Variants in INPP4B observed in about 807,000 individuals in gnomAD.
INPP4B encodes the protein inositol polyphosphate 4-phosphatase type II.
A neutral mutation model predicts 122.5 loss-of-function variants in INPP4B; 55 were observed. The observed-to-expected ratio is 0.45, with a 90% confidence interval of 0.36 to 0.56. The LOEUF (loss-of-function observed/expected upper bound fraction) is 0.56. Among genes scored for constraint, INPP4B ranks in the 20% least tolerant of loss-of-function variants. The pLI is 0.00. For synonymous variants in INPP4B, 403 were observed against 388.7 expected, an observed-to-expected ratio of 1.04 and a Z score of -0.43; for missense variants, 1,000 against 1,097.7, an observed-to-expected ratio of 0.91 and a Z score of 1.26.
At chr4:142,795,716 A>G (rs1397334195) in intron 1 of INPP4B, 1 of 151,984 alleles carries the variant, frequency 6.6e-6, no homozygotes, top group Admixed American at 6.6e-5. Flanking sequence ...CATTGTATCT[A>G]TTTTACCAAA....
chr4:142,534,773 T>C (rs539015806), intron 2 of INPP4B, among the ~76,000 whole-genome samples: 3 of 151,724 alleles, frequency 2.0e-5, no homozygotes, highest in Non-Finnish European at 4.4e-5. Flanking sequence ...TTCCTTTCTG[T>C]ACTCTCTGTA....
chr4:142,462,083 T>C (rs1560685282), intron 3 of INPP4B, among the ~76,000 whole-genome samples: 1 of 152,162 alleles, frequency 6.6e-6, no homozygotes, highest in Non-Finnish European at 1.5e-5. Flanking sequence ...TTTTTCTTCA[T>C]TTATTTTCTT....
chr4:142,523,233 C>T (rs1205447732), intron 2 of INPP4B, among the ~76,000 whole-genome samples: 1 of 152,100 alleles, frequency 6.6e-6, no homozygotes, highest in African/African-American at 2.4e-5. Flanking sequence ...AACTCTGACT[C>T]TGACGTGTGG....
rs566466082 is a variant in INPP4B at position 142,799,789 on chromosome 4, A to G, written c.-254+46420T>C. Among the ~76,000 whole-genome samples the G allele has an allele frequency of 3.9e-5, 6 of 152,084 alleles. No homozygotes were observed. The South Asian group carries it at 1.2e-3, about 31-fold the overall frequency. On this transcript the variant is annotated intron_variant, in intron 1 of 25. Transcript: ENST00000262992. ...TGTTTTTACTAAATATTGTAACAAA[A>G]GTATTCCTCCCACATATAAATTTCT... is the stretch of plus-strand genomic sequence containing the variant.
rs368740159 is a variant in INPP4B at position 142,235,823 on chromosome 4, TA to T, written c.836+2040del. Among the ~76,000 whole-genome samples, 46 of 152,360 alleles carry T rather than the reference TA, an allele frequency of 3.0e-4. 1 individual carries two copies. The East Asian group carries it at 5.4e-3, about 18-fold the overall frequency. The stretch of plus-strand genomic sequence containing the variant: ...ATCATAGTTGTATATATTTTGGGGA[TA>T]CATGTGATATTTTGATATTTGTATA... On this transcript the variant is annotated intron_variant, in intron 12 of 25. Coordinates refer to ENST00000262992, the MANE Select transcript of INPP4B (RefSeq NM_001101669.3).
At chr4:142,131,405 T>C (rs1452088499) in intron 18 of INPP4B, among the ~76,000 whole-genome samples, 1 of 151,894 alleles carries the variant, frequency 6.6e-6, no homozygotes, top group Non-Finnish European at 1.5e-5. Flanking sequence ...GTAGGTGAAG[T>C]AAACTAGGTG....
chr4:142,504,355 A>G (rs997690753), intron 2 of INPP4B, among the ~76,000 whole-genome samples: 4 of 152,102 alleles, frequency 2.6e-5, no homozygotes, highest in Non-Finnish European at 4.4e-5. Context: ...CTAACACCAA[A>G]TAATGGCAGG....
intron 17 of INPP4B, among the ~76,000 whole-genome samples, chr4:142,156,319 T>C (rs920659720): frequency 6.6e-6 from 1 of 152,104 alleles, no homozygotes; most frequent in Non-Finnish European, 1.5e-5. Flanking sequence ...TTCCACAGAA[T>C]TTCAGAATTA....
intron 5 of INPP4B, among the ~76,000 whole-genome samples, chr4:142,423,099 TA>T (rs1202243687): frequency 1.3e-5 from 2 of 152,182 alleles, no homozygotes; most frequent in East Asian, 3.9e-4. Context: ...ACTGGAGTTT[TA>T]AAAAAGTCAG....
At chr4:142,169,453 A>G (rs1263877426) in intron 16 of INPP4B, among the ~76,000 whole-genome samples, 2 of 151,732 alleles carry the variant, frequency 1.3e-5, no homozygotes, top group African/African-American at 2.4e-5. Flanking sequence ...TTAAGTAATC[A>G]ACATAACATT....
chr4:142,812,310 A>G (rs566598897), intron 1 of INPP4B, among the ~76,000 whole-genome samples: 4 of 152,232 alleles, frequency 2.6e-5, no homozygotes, highest in African/African-American at 7.2e-5. Flanking sequence ...ACTGCCCCAG[A>G]AGCCACACTC....
At chr4:142,415,235 A>G (rs1031221023) in intron 5 of INPP4B, among the ~76,000 whole-genome samples, 3 of 152,122 alleles carry the variant, frequency 2.0e-5, no homozygotes, top group Non-Finnish European at 4.4e-5. Context: ...CCTACCTCTG[A>G]ACCAAAAGAT....
At position 142,462,690 on chromosome 4, in the gene INPP4B, A is replaced by G. The variant is rs556849258; in HGVS notation, c.-154T>C. The G allele has an allele frequency of 2.6e-5, 4 of 152,184 alleles. No homozygotes were observed. The highest frequency in any genetic ancestry group is 4.4e-5 in the Non-Finnish European group (3 of 68,024). 9.4% of individuals were successfully genotyped at this position (152,184 alleles called of 1,614,324 possible). A position where few individuals can be genotyped will look rare whatever the true frequency, so the allele number is the denominator to read the frequency against. On this transcript the variant is annotated 5_prime_UTR_variant, in exon 3 of 26. Transcript: ENST00000262992. Reference sequence around the variant, plus strand: ...GATTTATGTTGTTTTCTTTGACAGAACTGCTCTTTGATTATTGTTTCGCTG... The same window carrying G: ...GATTTATGTTGTTTTCTTTGACAGAGCTGCTCTTTGATTATTGTTTCGCTG...
At chr4:142,745,420 T>G (rs947913014) in intron 1 of INPP4B, among the ~76,000 whole-genome samples, 2 of 151,876 alleles carry the variant, frequency 1.3e-5, no homozygotes, top group African/African-American at 4.8e-5. Context: ...TCTTGCCTAC[T>G]TGTTTCGTAA....
At chr4:142,720,294 A>G (rs930219660) in intron 2 of INPP4B, among the ~76,000 whole-genome samples, 1 of 152,150 alleles carries the variant, frequency 6.6e-6, no homozygotes, top group African/African-American at 2.4e-5. Flanking sequence ...ATGAAGTATC[A>G]TTTTTTATTG....
intron 15 of INPP4B, among the ~76,000 whole-genome samples, chr4:142,188,518 A>AAAAAATATAT (rs1834267141): frequency 9.5e-6 from 1 of 105,096 alleles, no homozygotes; most frequent in Admixed American, 1.3e-4. Flanking sequence ...AAAGAAAAAA[A>AAAAAATATAT]ATATATATAG....
intron 12 of INPP4B, among the ~76,000 whole-genome samples, chr4:142,229,359 T>A (rs759359096): frequency 2.6e-5 from 4 of 152,122 alleles, no homozygotes; most frequent in African/African-American, 7.2e-5. Flanking sequence ...AGTATTTAGA[T>A]TCCTATATAA....
chr4:142,072,742 T>G (rs915309654), intron 25 of INPP4B, among the ~76,000 whole-genome samples: 1 of 152,050 alleles, frequency 6.6e-6, no homozygotes, highest in Non-Finnish European at 1.5e-5. Context: ...ACTATTTAAG[T>G]GCATCAGTGA....
At chr4:142,117,277 T>C (rs1257541033) in intron 21 of INPP4B, among the ~76,000 whole-genome samples, 2 of 151,650 alleles carry the variant, frequency 1.3e-5, no homozygotes, top group Admixed American at 6.6e-5. Context: ...TTCCAATCAA[T>C]AGAAAAAAAA....
Sources: allele counts gnomAD v4.1 joint callset (sites outside exome capture counted in the v4.1 genomes callset), GRCh38; gene constraint gnomAD v4.1.1; transcripts MANE v1.5; gene names NCBI Gene and HGNC (gene_info 2026-07-23, HGNC 2026-07-21).